The following GRM1 variants were observed in gnomAD, a reference collection of about 807,000 sequenced individuals.
The protein encoded by GRM1 is metabotropic glutamate receptor 1.
A neutral mutation model predicts 90.9 loss-of-function variants in GRM1; 33 were observed. The ratio of observed to expected loss-of-function variants is 0.36; its 90% CI spans 0.28 to 0.49. The LOEUF (loss-of-function observed/expected upper bound fraction) is 0.49. Ranked by LOEUF, GRM1 falls within the 20% of genes least tolerant of loss-of-function variation. The probability of loss-of-function intolerance (pLI) is 0.99; values close to 1 mark genes in which losing one functional copy is unlikely to be tolerated. For missense variants in GRM1, 1,190 were observed against 1,534.3 expected (o/e 0.78, Z 3.75); for synonymous variants, 700 against 613.2 (o/e 1.14, Z -2.09).
chr6:146,091,472 G>T (rs533869324), intron 1 of GRM1, among the ~76,000 whole-genome samples: 1 of 152,190 alleles, frequency 6.6e-6, no homozygotes, highest in Non-Finnish European at 1.5e-5. Flanking sequence ...TAACAGATGA[G>T]TACAAGTGTG....
intron 3 of GRM1, 99 bp from the exon 4 acceptor site, chr6:146,352,151 C>A: frequency 1.6e-6 from 2 of 1,241,192 alleles, no homozygotes; most frequent in Non-Finnish European, 1.2e-6. Context: ...ATTGCTCATT[C>A]CCTTCCTCTG....
intron 2 of GRM1, among the ~76,000 whole-genome samples, chr6:146,301,899 T>C (rs1043917852): frequency 2.0e-5 from 3 of 152,136 alleles, no homozygotes; most frequent in Non-Finnish European, 2.9e-5. Flanking sequence ...TCAGCGATGG[T>C]AAGCAGAGGA....
Position 146,137,142 on chromosome 6 carries a change from C to T in GRM1, c.701-22206C>T, listed in dbSNP as rs548618161. 4.6e-5 allele frequency among the ~76,000 whole-genome samples: 7 copies of T among 152,238 alleles called. No homozygotes were observed. The South Asian group carries it at 1.5e-3, about 32-fold the overall frequency. On this transcript the variant is annotated intron_variant, in intron 1 of 7. Coordinates refer to ENST00000282753, the MANE Select transcript of GRM1 (RefSeq NM_001278064.2). ...TGCTGAGATTACAGGCGTGAGCTAC[C>T]ATGCCCGGCCGCAGAAGCTTTTTAA... is the stretch of plus-strand genomic sequence containing the variant.
At chr6:146,261,091 C>T (rs986286452) in intron 2 of GRM1, among the ~76,000 whole-genome samples, 6 of 151,844 alleles carry the variant, frequency 4.0e-5, no homozygotes, top group East Asian at 1.9e-4. Context: ...AATCCCAGGG[C>T]GTTTGACCAA....
chr6:146,353,316 C>CT (rs1377424687), intron 4 of GRM1, among the ~76,000 whole-genome samples: 5 of 152,142 alleles, frequency 3.3e-5, no homozygotes. Context: ...CTCAGCTTGG[C>CT]TACCACTCAG....
chr6:146,241,398 A>G (rs1358690129), intron 2 of GRM1, among the ~76,000 whole-genome samples: 4 of 152,158 alleles, frequency 2.6e-5, no homozygotes. Flanking sequence ...GGAATCAGAA[A>G]TGAAACATTT....
intron 1 of GRM1, among the ~76,000 whole-genome samples, chr6:146,152,123 C>T (rs190449220): frequency 8.5e-5 from 13 of 152,252 alleles, no homozygotes; most frequent in African/African-American, 2.4e-4. Flanking sequence ...CAACATATAG[C>T]ACATTACCAC....
intron 7 of GRM1, among the ~76,000 whole-genome samples, chr6:146,430,380 A>G (rs908694250): frequency 3.9e-5 from 6 of 152,134 alleles, no homozygotes; most frequent in African/African-American, 1.4e-4. Context: ...CACCTGAGAT[A>G]TTTACTCTAA....
intron 1 of GRM1, among the ~76,000 whole-genome samples, chr6:146,110,353 G>C (rs1266368196): frequency 6.6e-6 from 1 of 152,132 alleles, no homozygotes; most frequent in African/African-American, 2.4e-5. Flanking sequence ...TTTTAAAAAT[G>C]GGAGTCTCCC....
At chr6:146,269,902 G>A (rs541630232) in intron 2 of GRM1, among the ~76,000 whole-genome samples, 7 of 152,086 alleles carry the variant, frequency 4.6e-5, no homozygotes, top group African/African-American at 1.7e-4. Context: ...ATTAGGAATG[G>A]TTGAAGCTTG....
intron 1 of GRM1, among the ~76,000 whole-genome samples, chr6:146,070,843 A>G (rs1233756469): frequency 6.6e-6 from 1 of 152,176 alleles, no homozygotes; most frequent in Non-Finnish European, 1.5e-5. Flanking sequence ...TACAATAAAA[A>G]TATTAGTTGA....
chr6:146,170,724 T>C (rs1237913850), intron 2 of GRM1, among the ~76,000 whole-genome samples: 1 of 152,120 alleles, frequency 6.6e-6, no homozygotes, highest in South Asian at 2.1e-4. Context: ...TCTTTGAATA[T>C]ATTTATAATA....
chr6:146,219,544 T>A (rs1166707766), intron 2 of GRM1, among the ~76,000 whole-genome samples: 1 of 150,534 alleles, frequency 6.6e-6, no homozygotes. Flanking sequence ...ACCAGCCACT[T>A]AAAAAAAAAG....
intron 5 of GRM1, chr6:146,365,173 A>C (rs1775631410): frequency 6.6e-6 from 1 of 152,158 alleles, no homozygotes; most frequent in Non-Finnish European, 1.5e-5. Context: ...GTGCTACTAA[A>C]ATTTTGAAAA....
intron 1 of GRM1, among the ~76,000 whole-genome samples, chr6:146,111,978 A>T (rs1188964206): frequency 6.6e-6 from 1 of 152,216 alleles, no homozygotes; most frequent in Admixed American, 6.5e-5. Flanking sequence ...ATATCATGCT[A>T]TTGCATGCAC....
intron 1 of GRM1, among the ~76,000 whole-genome samples, chr6:146,034,594 G>T (rs1028568044): frequency 1.3e-5 from 2 of 151,918 alleles, no homozygotes; most frequent in African/African-American, 4.8e-5. Context: ...CTGGGATTTT[G>T]ATTGTTTAAT....
intron 1 of GRM1, among the ~76,000 whole-genome samples, chr6:146,158,397 G>C (rs1010596666): frequency 1.5e-4 from 23 of 152,144 alleles, no homozygotes; most frequent in African/African-American, 4.8e-4. Flanking sequence ...TGTATGATAA[G>C]ATGAGGTAGC....
intron 1 of GRM1, among the ~76,000 whole-genome samples, chr6:146,114,694 G>A (rs766797656): frequency 7.9e-5 from 12 of 152,018 alleles, no homozygotes; most frequent in Non-Finnish European, 1.3e-4. Context: ...GCATCAGACT[G>A]GATAGAAAGG....
At chr6:146,312,349 C>CAA (rs1166008558) in intron 3 of GRM1, among the ~76,000 whole-genome samples, 1,301 of 21,308 alleles carry the variant, frequency 0.061, 292 homozygotes, top group East Asian at 0.098. Context: ...AACTCCGTCT[C>CAA]AAAAAAAAAA....
Sources: gnomAD v4.1 joint callset for allele counts (sites outside exome capture counted in the v4.1 genomes callset) on GRCh38, gnomAD v4.1.1 for gene constraint, MANE v1.5 for transcripts, NCBI Gene and HGNC (gene_info 2026-07-23, HGNC 2026-07-21) for gene names.